Variants in PCMTD1 observed in about 807,000 individuals in gnomAD.
PCMTD1 encodes the protein protein-L-isoaspartate O-methyltransferase domain-containing protein 1.
Under a neutral mutation model 37.6 loss-of-function variants are expected in PCMTD1, and 12 were observed. The ratio of observed to expected loss-of-function variants is 0.32; its 90% confidence interval spans 0.20 to 0.52. The LOEUF (loss-of-function observed/expected upper bound fraction) is 0.52. PCMTD1 is among the 20% of genes least tolerant of loss of function. The pLI is 0.97. For missense variants in PCMTD1, 235 were observed against 421.3 expected, an observed-to-expected ratio of 0.56 and a Z score of 3.87; for synonymous variants, 117 against 135.8, an observed-to-expected ratio of 0.86 and a Z score of 0.96.
intron 1 of PCMTD1, among the ~76,000 whole-genome samples, chr8:51,877,911 T>C (rs1430619111): frequency 6.6e-6 from 1 of 152,116 alleles, no homozygotes; most frequent in Non-Finnish European, 1.5e-5. Context: ...AAATATGTAC[T>C]AAAGTTAAAA....
intron 2 of PCMTD1, among the ~76,000 whole-genome samples, chr8:51,854,406 GT>G (rs2038353218): frequency 6.6e-6 from 1 of 152,044 alleles, no homozygotes; most frequent in Non-Finnish European, 1.5e-5. Context: ...TAGAACAGTG[GT>G]GGCAACTCCA....
At chr8:51,887,767 G>A (rs1404505563) in intron 1 of PCMTD1, among the ~76,000 whole-genome samples, 3 of 131,286 alleles carry the variant, frequency 2.3e-5, no homozygotes, top group African/African-American at 8.1e-5. Flanking sequence ...TTTTGAGACA[G>A]AGTCTTGCTC....
intron 1 of PCMTD1, among the ~76,000 whole-genome samples, chr8:51,871,537 T>C (rs1290045786): frequency 6.6e-6 from 1 of 152,240 alleles, no homozygotes; most frequent in Non-Finnish European, 1.5e-5. Flanking sequence ...GCTAATACTT[T>C]TTCCTCTAAT....
Position 51,881,456 on chromosome 8 carries a change from G to A in PCMTD1, c.-96+17474C>T, listed in dbSNP as rs568620009. ...AGAAAAACAGGTCATAAGACAAAACGCCTCAATTTGCCAGACTGTCATCCT... is the reference window on the plus strand; with the variant it reads ...AGAAAAACAGGTCATAAGACAAAACACCTCAATTTGCCAGACTGTCATCCT... On this transcript the variant is annotated intron_variant, in intron 1 of 5. Coordinates refer to ENST00000522514, the MANE Select transcript of PCMTD1 (RefSeq NM_052937.4). Among the ~76,000 whole-genome samples, 73 of 152,132 alleles carry A rather than the reference G, an allele frequency of 4.8e-4. 1 individual carries two copies. The highest frequency in any genetic ancestry group is 1.4e-3 in the African/African-American group (57 of 41,490).
At chr8:51,849,033 C>A (rs1464225600) in intron 2 of PCMTD1, 1 of 152,028 alleles carries the variant, frequency 6.6e-6, no homozygotes, top group African/African-American at 2.4e-5. Context: ...TAATGCAATG[C>A]TGATTATTAC....
chr8:51,874,066 A>AT (rs2038678448), intron 1 of PCMTD1, among the ~76,000 whole-genome samples: 1 of 151,730 alleles, frequency 6.6e-6, no homozygotes, highest in Non-Finnish European at 1.5e-5. Flanking sequence ...CGCCTGGCTA[A>AT]TTTTTTGTAT....
At chr8:51,857,569 A>G (rs2038409851) in intron 2 of PCMTD1, among the ~76,000 whole-genome samples, 1 of 152,196 alleles carries the variant, frequency 6.6e-6, no homozygotes, top group Non-Finnish European at 1.5e-5. Flanking sequence ...CTTTATTTGC[A>G]TCCTGTTTTT....
At chr8:51,855,959 G>A (rs1246198469) in intron 2 of PCMTD1, among the ~76,000 whole-genome samples, 2 of 152,082 alleles carry the variant, frequency 1.3e-5, no homozygotes, top group African/African-American at 4.8e-5. Context: ...GAGCCACCGC[G>A]CCTGGCCCAG....
chr8:51,846,378 G>C (rs1000653883), intron 2 of PCMTD1, among the ~76,000 whole-genome samples: 3 of 152,156 alleles, frequency 2.0e-5, no homozygotes, highest in Non-Finnish European at 4.4e-5. Flanking sequence ...CCAGGAAAAG[G>C]GGAATGAATA....
chr8:51,898,264 A>C (rs1317901249), intron 1 of PCMTD1, among the ~76,000 whole-genome samples: 1 of 152,172 alleles, frequency 6.6e-6, no homozygotes, highest in Non-Finnish European at 1.5e-5. Flanking sequence ...TTGGATTTGC[A>C]AAATTACTCC....
rs1005586221 is a variant in PCMTD1 at position 51,845,613 on chromosome 8, G to GT, written c.410+47dup. On this transcript the variant is annotated intron_variant, in intron 3 of 5. Coordinates refer to ENST00000522514, the MANE Select transcript of PCMTD1 (RefSeq NM_052937.4). ...GTGTTCAAGAATAGACATGTTGCAT[G>GT]TATCTATTAAGTGATTTTAAACCAA... The GT allele has an allele frequency of 2.3e-5, 29 of 1,267,246 alleles. No homozygotes were observed. In the African/African-American group the frequency reaches 2.4e-4, roughly 10 times the overall value. 78.5% of individuals were successfully genotyped at this position (1,267,246 alleles called of 1,614,324 possible).
At chr8:51,846,660 TG>T (rs746420809) in intron 2 of PCMTD1, among the ~76,000 whole-genome samples, 3 of 152,224 alleles carry the variant, frequency 2.0e-5, no homozygotes, top group Non-Finnish European at 4.4e-5. Context: ...AATACTTAAC[TG>T]GATGTGCCCT....
chr8:51,852,120 A>ACT (rs1563346826), intron 2 of PCMTD1, among the ~76,000 whole-genome samples: 1 of 152,228 alleles, frequency 6.6e-6, no homozygotes, highest in African/African-American at 2.4e-5. Context: ...ACAGCCAATA[A>ACT]GATTAACACC....
intron 4 of PCMTD1, among the ~76,000 whole-genome samples, chr8:51,832,414 A>G (rs933985098): frequency 2.6e-5 from 4 of 152,222 alleles, no homozygotes; most frequent in African/African-American, 7.2e-5. Flanking sequence ...AGCACAGTAC[A>G]TGGTGATAGT....
chr8:51,822,526 A>G (rs2037863494), intron 5 of PCMTD1, among the ~76,000 whole-genome samples: 1 of 152,228 alleles, frequency 6.6e-6, no homozygotes, highest in Non-Finnish European at 1.5e-5. Flanking sequence ...TCTATCATTT[A>G]TCCAAAGTGG....
At chr8:51,892,935 A>G (rs1229234596) in intron 1 of PCMTD1, among the ~76,000 whole-genome samples, 1 of 152,214 alleles carries the variant, frequency 6.6e-6, no homozygotes, top group Admixed American at 6.5e-5. Context: ...AGGAAGATAC[A>G]TTTTCAGTTT....
In PCMTD1 at chr8:51,818,409, C is replaced by CAAAAAAAAAAAAAAAAAAAACAAAA; in HGVS notation, c.*1941_*1942insTTTTGTTTTTTTTTTTTTTTTTTTT. 7.2e-6 allele frequency: 1 copy of CAAAAAAAAAAAAAAAAAAAACAAAA among 138,064 alleles called. No individual in the cohort carries two copies. The highest frequency in any genetic ancestry group is 1.6e-5 in the Non-Finnish European group (1 of 63,808). The allele number at this position is 138,064 out of a possible 1,614,324, so 8.6% of individuals were successfully genotyped here. A position where few individuals can be genotyped will look rare whatever the true frequency, so the allele number is the denominator to read the frequency against. ...GCATCATCTAAACAGCAGCTCCAAC[C>CAAAAAAAAAAAAAAAAAAAACAAAA]AAAAAAAAAAAAAAAAACAAGCAGG... is the stretch of plus-strand genomic sequence containing the variant. On this transcript the variant is annotated 3_prime_UTR_variant, in exon 6 of 6. Coordinates refer to ENST00000522514, the MANE Select transcript of PCMTD1 (RefSeq NM_052937.4).
intron 2 of PCMTD1, among the ~76,000 whole-genome samples, chr8:51,846,940 CAATAGGAAA>C (rs1424423915): frequency 6.6e-6 from 1 of 152,030 alleles, no homozygotes; most frequent in African/African-American, 2.4e-5. Context: ...AAATGTGTTC[CAATAGGAAA>C]AATAAATAAA....
intron 1 of PCMTD1, among the ~76,000 whole-genome samples, chr8:51,887,271 T>G (rs2038877472): frequency 6.6e-6 from 1 of 152,138 alleles, no homozygotes. Context: ...CCTAGCACAC[T>G]ACCCAAACTT....
Sources: allele counts gnomAD v4.1 joint callset (sites outside exome capture counted in the v4.1 genomes callset), GRCh38; gene constraint gnomAD v4.1.1; transcripts MANE v1.5; gene names NCBI Gene and HGNC (gene_info 2026-07-23, HGNC 2026-07-21).